The following NCOA1 variants were observed in gnomAD, a reference collection of about 807,000 sequenced individuals.
NCOA1 encodes the protein Hin-2 protein.
NCOA1 carries 35 observed loss-of-function variants against 150.9 expected under a neutral mutation model. That is an observed-to-expected ratio of 0.23 (90% CI 0.18 to 0.31). The LOEUF is 0.31. NCOA1 is among the 10% of genes least tolerant of loss of function. The probability of loss-of-function intolerance (pLI) is 1.00; values close to 1 mark genes in which losing one functional copy is unlikely to be tolerated. For synonymous variants in NCOA1, 590 were observed against 630.0 expected (o/e 0.94, Z 0.95); for missense variants, 1,491 against 1,749.3 (o/e 0.85, Z 2.63).
intron 1 of NCOA1, among the ~76,000 whole-genome samples, chr2:24,496,028 T>G (rs2148062214): frequency 6.6e-6 from 1 of 152,332 alleles, no homozygotes; most frequent in South Asian, 2.1e-4. Flanking sequence ...CTCCTGTCAT[T>G]TGCACATGGA....
intron 3 of NCOA1, among the ~76,000 whole-genome samples, chr2:24,613,073 C>G (rs765203038): frequency 1.3e-5 from 2 of 151,866 alleles, no homozygotes; most frequent in Non-Finnish European, 2.9e-5. Context: ...TTGTTCCTGT[C>G]CCTGTAATAT....
At chr2:24,700,176 A>G (rs988900538) in intron 11 of NCOA1, among the ~76,000 whole-genome samples, 4 of 144,868 alleles carry the variant, frequency 2.8e-5, no homozygotes, top group African/African-American at 1.0e-4. Flanking sequence ...AATAATAATA[A>G]TAATAGTAAT....
rs1384356783 is a variant in NCOA1 at position 24,593,066 on chromosome 2, T to C, written c.-175+8506T>C. On this transcript the variant is annotated intron_variant, in intron 3 of 22. Coordinates refer to ENST00000348332, the MANE Select transcript of NCOA1 (RefSeq NM_003743.5). The stretch of plus-strand genomic sequence containing the variant: ...ATTAATGAGGGAAAAAGGAGTTAAG[T>C]AGCAATAAAAACTTGATACAGTGGT... 2.0e-5 allele frequency among the ~76,000 whole-genome samples: 3 copies of C among 152,076 alleles called. No homozygotes were observed. The East Asian group carries it at 5.8e-4, about 29-fold the overall frequency.
At chr2:24,677,423 G>C (rs984638015) in intron 7 of NCOA1, among the ~76,000 whole-genome samples, 3 of 151,992 alleles carry the variant, frequency 2.0e-5, no homozygotes, top group African/African-American at 4.8e-5. Context: ...GTTTTTGTTT[G>C]GTTGGTTGGT....
intron 21 of NCOA1, among the ~76,000 whole-genome samples, chr2:24,761,121 T>A (rs1226795331): frequency 2.6e-5 from 4 of 152,238 alleles, no homozygotes; most frequent in Non-Finnish European, 5.9e-5. Flanking sequence ...GTGCTGGGAT[T>A]ATAGGCGTGA....
At position 24,730,691 on chromosome 2, in the gene NCOA1, T is replaced by A. The variant is rs1572653126; in HGVS notation, c.3201+876T>A. Reference sequence around the variant, plus strand: ...TTTAAGATTGTATAAGCAACAGATATGGAGATAATCATTAAGGACCACAAG... The same window carrying A: ...TTTAAGATTGTATAAGCAACAGATAAGGAGATAATCATTAAGGACCACAAG... On this transcript the variant is annotated intron_variant, in intron 17 of 22. Coordinates refer to ENST00000348332, the MANE Select transcript of NCOA1 (RefSeq NM_003743.5). Among the ~76,000 whole-genome samples, 5 of 152,014 alleles carry A rather than the reference T, an allele frequency of 3.3e-5. No homozygotes were observed. The South Asian group carries it at 1.0e-3, about 32-fold the overall frequency.
chr2:24,641,109 A>G (rs1670197013), intron 3 of NCOA1, among the ~76,000 whole-genome samples: 1 of 151,616 alleles, frequency 6.6e-6, no homozygotes, highest in Admixed American at 6.6e-5. Flanking sequence ...TTTGAACACT[A>G]CTCTTTTATA....
At chr2:24,668,784 A>G (rs1370267510) in intron 6 of NCOA1, among the ~76,000 whole-genome samples, 1 of 140,130 alleles carries the variant, frequency 7.1e-6, no homozygotes, top group Non-Finnish European at 1.6e-5. Context: ...AGAGGACTCT[A>G]GGGAACATTT....
At chr2:24,601,435 G>A (rs1170585466) in intron 3 of NCOA1, among the ~76,000 whole-genome samples, 1 of 151,968 alleles carries the variant, frequency 6.6e-6, no homozygotes, top group Non-Finnish European at 1.5e-5. Flanking sequence ...AGCTGGTCTC[G>A]AACTCCTGGC....
rs1031733621 is a variant in NCOA1, at chr2:24,770,398, C to G, written c.*2007C>G. On this transcript the variant is annotated 3_prime_UTR_variant, in exon 23 of 23. Coordinates refer to ENST00000348332, the MANE Select transcript of NCOA1 (RefSeq NM_003743.5). ...AAATTGGAGATGCTAACATCCTCCC[C>G]CATCCCAACTGCACCTTAAAATATG... The G allele has an allele frequency of 8.7e-6, 2 of 230,062 alleles. No homozygotes were observed. The highest frequency in any genetic ancestry group is 1.7e-5 in the Non-Finnish European group (2 of 115,960). The allele number at this position is 230,062 out of a possible 1,614,324, so 14.3% of individuals were successfully genotyped here.
chr2:24,589,630 G>GGTGTGTGTGT (rs148118845), intron 3 of NCOA1, among the ~76,000 whole-genome samples: 5,906 of 147,482 alleles, frequency 0.04, 148 homozygotes, highest in Middle Eastern at 0.069. Flanking sequence ...AGAGGTTGGT[G>GGTGTGTGTGT]GTGTGTGTGT....
intron 3 of NCOA1, among the ~76,000 whole-genome samples, chr2:24,603,146 C>T (rs1479414371): frequency 2.0e-5 from 3 of 151,910 alleles, no homozygotes; most frequent in Non-Finnish European, 2.9e-5. Context: ...TATGCTATAC[C>T]GTAGTCTATC....
chr2:24,636,708 T>C (rs1669952975), intron 3 of NCOA1, among the ~76,000 whole-genome samples: 1 of 152,172 alleles, frequency 6.6e-6, no homozygotes, highest in Non-Finnish European at 1.5e-5. Context: ...TTATGAGAAC[T>C]TGCAGTATTT....
chr2:24,728,807 C>T (rs916706505), intron 16 of NCOA1, among the ~76,000 whole-genome samples: 1 of 152,196 alleles, frequency 6.6e-6, no homozygotes, highest in Non-Finnish European at 1.5e-5. Flanking sequence ...CATGGTATTG[C>T]AACTTCCAGG....
intron 17 of NCOA1, among the ~76,000 whole-genome samples, chr2:24,733,410 A>G (rs1663120808): frequency 6.6e-6 from 1 of 152,240 alleles, no homozygotes; most frequent in South Asian, 2.1e-4. Flanking sequence ...AGAAAGAAAC[A>G]AAATTATATG....
chr2:24,503,918 A>G (rs1663579249), intron 1 of NCOA1, among the ~76,000 whole-genome samples: 1 of 152,024 alleles, frequency 6.6e-6, no homozygotes, highest in Admixed American at 6.6e-5. Flanking sequence ...TGTTTTTAGT[A>G]GAGACGGGGT....
intron 13 of NCOA1, 112 bp downstream of exon 13, chr2:24,708,000 T>C: frequency 2.3e-6 from 3 of 1,326,630 alleles, no homozygotes; most frequent in Middle Eastern, 2.1e-4. Flanking sequence ...ATCCTATCCA[T>C]TGGGCATATA....
At chr2:24,629,809 CATACATACATATATATAT>C (rs1316294742) in intron 3 of NCOA1, among the ~76,000 whole-genome samples, 9 of 97,362 alleles carry the variant, frequency 9.2e-5, no homozygotes, top group South Asian at 9.2e-4. Flanking sequence ...TTTTAAGTAA[CATACATACATATATATAT>C]ATATATATAT....
chr2:24,524,196 C>A (rs1664558055), intron 1 of NCOA1, among the ~76,000 whole-genome samples: 1 of 152,132 alleles, frequency 6.6e-6, no homozygotes, highest in African/African-American at 2.4e-5. Context: ...TCAGATACTT[C>A]CGGTTAGGCT....
Sources: gnomAD v4.1 joint callset for allele counts (sites outside exome capture counted in the v4.1 genomes callset) on GRCh38, gnomAD v4.1.1 for gene constraint, MANE v1.5 for transcripts, NCBI Gene and HGNC (gene_info 2026-07-23, HGNC 2026-07-21) for gene names.